The following FAM118B variants were observed in gnomAD, a reference collection of about 807,000 sequenced individuals.
FAM118B encodes SIR2 antiphage like 1.
Under a neutral mutation model 38.5 loss-of-function variants are expected in FAM118B, and 24 were observed. The observed-to-expected ratio is 0.62, with a 90% CI of 0.45 to 0.88. The LOEUF is 0.88. FAM118B is among the 40% of genes least tolerant of loss of function. The probability of loss-of-function intolerance (pLI) is 0.00; values close to 1 mark genes in which losing one functional copy is unlikely to be tolerated. For missense variants in FAM118B, 334 were observed against 420.0 expected (o/e 0.80, Z 1.79); for synonymous variants, 138 against 156.3 (o/e 0.88, Z 0.87).
chr11:126,245,864 C>T (rs933322410), intron 4 of FAM118B, among the ~76,000 whole-genome samples: 27 of 151,910 alleles, frequency 1.8e-4, no homozygotes, highest in African/African-American at 4.6e-4. Context: ...GGCGTGGTGG[C>T]GCATGCCTGT....
At chr11:126,228,208 T>C (rs1261473405) in intron 1 of FAM118B, among the ~76,000 whole-genome samples, 1 of 150,938 alleles carries the variant, frequency 6.6e-6, no homozygotes, top group Non-Finnish European at 1.5e-5. Flanking sequence ...TTTTTTGGTT[T>C]TGTTTTTTGA....
intron 4 of FAM118B, among the ~76,000 whole-genome samples, chr11:126,246,579 C>A (rs530955307): frequency 6.6e-6 from 1 of 152,046 alleles, no homozygotes; most frequent in African/African-American, 2.4e-5. Flanking sequence ...AACCCTGGGG[C>A]GGGAGGCGGT....
intron 1 of FAM118B, among the ~76,000 whole-genome samples, chr11:126,227,530 T>C (rs1305575888): frequency 1.3e-5 from 2 of 152,248 alleles, no homozygotes; most frequent in Non-Finnish European, 2.9e-5. Context: ...GATGAATGAA[T>C]GAAGTGAACT....
intron 7 of FAM118B, among the ~76,000 whole-genome samples, chr11:126,258,406 G>A (rs1458738605): frequency 2.0e-5 from 3 of 152,082 alleles, no homozygotes; most frequent in Non-Finnish European, 2.9e-5. Context: ...TAACATACAG[G>A]TAATTTAATA....
intron 7 of FAM118B, chr11:126,260,999 G>C (rs1950682723): frequency 1.2e-5 from 2 of 160,226 alleles, no homozygotes; most frequent in Admixed American, 6.1e-5. Flanking sequence ...TAGTGCTACC[G>C]TATTTTATTT....
chr11:126,260,784 A>G (rs1372407341), intron 7 of FAM118B: 1 of 152,144 alleles, frequency 6.6e-6, no homozygotes, highest in Non-Finnish European at 1.5e-5. Context: ...ATTTTCTTCC[A>G]TGTGTTCAGC....
intron 2 of FAM118B, among the ~76,000 whole-genome samples, chr11:126,232,043 G>C (rs1222193203): frequency 6.6e-6 from 1 of 152,094 alleles, no homozygotes; most frequent in Admixed American, 6.6e-5. Context: ...GATAGTTTTG[G>C]ACTTTAAGTT....
chr11:126,242,697 ACCC>A (rs1388415705), intron 4 of FAM118B, among the ~76,000 whole-genome samples: 1 of 152,220 alleles, frequency 6.6e-6, no homozygotes, highest in African/African-American at 2.4e-5. Context: ...GCCATTTCAC[ACCC>A]GCTGGCATGA....
chr11:126,254,427 A>G lies in FAM118B; in HGVS notation c.690A>G (p.Glu230=), dbSNP rs765100134. The change falls in exon 6 of 9, where the codon GAA becomes GAG. Residue 230 remains glutamate (E), a synonymous_variant. Transcript: ENST00000533050. ...ATCAGAACGTGCTCAGGAACACTGA[A>G]GTCATGGTGAGTGGGGCTGATCTTG... is the stretch of plus-strand genomic sequence containing the variant. ...AGYQNVLRNT[E]VMREIQKLYE... is the part of the protein sequence containing the mutation. The G allele has an allele frequency of 1.9e-6, 3 of 1,614,138 alleles. No homozygotes were observed. In the South Asian group the frequency reaches 3.3e-5, roughly 18 times the overall value.
intron 2 of FAM118B, among the ~76,000 whole-genome samples, chr11:126,232,713 AT>A (rs974743144): frequency 2.9e-4 from 44 of 151,122 alleles, no homozygotes; most frequent in East Asian, 9.7e-4. Flanking sequence ...CTTAAAAAAT[AT>A]TTTTTTTTAA....
At position 126,261,478 on chromosome 11, in the gene FAM118B, A is replaced by G. The variant is rs114192726; in HGVS notation, c.1036A>G (p.Ile346Val). The G allele has an allele frequency of 9.5e-5, 153 of 1,612,192 alleles. 1 individual carries two copies. In the African/African-American group the frequency reaches 1.8e-3, roughly 19 times the overall value. Residue 346 changes from isoleucine to valine, a missense_variant, in exon 8 of 9, where the codon ATA becomes GTA. Physicochemically the swap from Ile to Val is conservative, Grantham distance 29. Around this residue, in one of 3 missense-constraint regions of FAM118B, gnomAD observed 88 missense variants for 98.1 expected, o/e 0.90. Coordinates refer to ENST00000533050, the MANE Select transcript of FAM118B (RefSeq NM_024556.4). ...LNGSSAAHSE[I>V]RGCST ...TGGCTCATCTGCAGCACACAGTGAAATAAGAGGTATACTGTTTCCTATTCT... is the reference window on the plus strand; with the variant it reads ...TGGCTCATCTGCAGCACACAGTGAAGTAAGAGGTATACTGTTTCCTATTCT...
chr11:126,262,282 G>C lies in FAM118B; in HGVS notation c.*149G>C. On this transcript the variant is annotated 3_prime_UTR_variant, in exon 9 of 9. Coordinates refer to ENST00000533050, the MANE Select transcript of FAM118B (RefSeq NM_024556.4). ...AGGGCGGGGTAGAAGAGGGGGGAAT[G>C]TTGCAGCGTAATCCTTCATACCACC... 1.3e-6 allele frequency: 1 copy of C among 766,304 alleles called. No homozygotes were observed. The highest frequency in any genetic ancestry group is 1.6e-5 in the South Asian group (1 of 64,074). The allele number at this position is 766,304 out of a possible 1,614,324, so 47.5% of individuals were successfully genotyped here.
At chr11:126,259,942 G>A (rs975346188) in intron 7 of FAM118B, among the ~76,000 whole-genome samples, 5 of 150,980 alleles carry the variant, frequency 3.3e-5, no homozygotes, top group African/African-American at 7.3e-5. Context: ...GGATGGTCTC[G>A]ATCTCCTGAC....
At chr11:126,247,258 C>T (rs962514785) in intron 4 of FAM118B, among the ~76,000 whole-genome samples, 51 of 152,292 alleles carry the variant, frequency 3.3e-4, no homozygotes, top group African/African-American at 1.2e-3. Flanking sequence ...TGCCACTGTA[C>T]TCCAGCTTGG....
In FAM118B at chr11:126,244,211, C is replaced by G. The variant is rs1284208423; in HGVS notation, c.339+3167C>G. Among the ~76,000 whole-genome samples the G allele has an allele frequency of 6.6e-6, 1 of 152,182 alleles. No individual in the cohort carries two copies. The highest frequency in any genetic ancestry group is 6.5e-5 in the Admixed American group (1 of 15,276). ...ACAAGGCTGTTTTCCCACTCCACTC[C>G]TGTCCAACATGGTGCTGGATGTTCT... On this transcript the variant is annotated intron_variant, in intron 4 of 8. Coordinates refer to ENST00000533050, the MANE Select transcript of FAM118B (RefSeq NM_024556.4). This position sits in a 1 kb window ranked among gnomAD's most constrained non-coding sequence, Gnocchi z 4.5.
rs1950575737 is a variant in FAM118B, at chr11:126,256,173, T to C, written c.697-394T>C. The stretch of plus-strand genomic sequence containing the variant: ...GTAATATACTCGGGAGGCTGAGGCA[T>C]GAGAGTCACTTGAACCAGGGTGGTG... On this transcript the variant is annotated intron_variant, in intron 6 of 8. Coordinates refer to ENST00000533050, the MANE Select transcript of FAM118B (RefSeq NM_024556.4). The surrounding 1 kb of genome is among the most constrained non-coding windows in gnomAD (Gnocchi z 6.6). Among the ~76,000 whole-genome samples, 1 of 152,052 alleles carries C rather than the reference T, an allele frequency of 6.6e-6. No homozygotes were observed. Among genetic ancestry groups the C allele is most frequent in the Non-Finnish European group, 1.5e-5 (1 of 68,000 alleles).
Position 126,244,528 on chromosome 11 carries a change from G to A in FAM118B, c.339+3484G>A, listed in dbSNP as rs1435773304. Among the ~76,000 whole-genome samples, 1 of 152,250 alleles carries A rather than the reference G, an allele frequency of 6.6e-6. No homozygotes were observed. Among genetic ancestry groups the A allele is most frequent in the East Asian group, 1.9e-4 (1 of 5,200 alleles). ...TAACGAAAGAAGTACAGAAGGCTAG[G>A]CGTGGTGGCCCATGCCTGTTGTCTC... On this transcript the variant is annotated intron_variant, in intron 4 of 8. Transcript: ENST00000533050. The surrounding 1 kb of genome is among the most constrained non-coding windows in gnomAD (Gnocchi z 4.5).
At position 126,244,986 on chromosome 11, in the gene FAM118B, A is replaced by C. The variant is rs1189387454; in HGVS notation, c.339+3942A>C. 6.6e-6 allele frequency: 1 copy of C among 152,256 alleles called. No homozygotes were observed. Among genetic ancestry groups the C allele is most frequent in the African/African-American group, 2.4e-5 (1 of 41,458 alleles). The allele number at this position is 152,256 out of a possible 1,614,324, so 9.4% of individuals were successfully genotyped here. ...TTAAGCATGGTCCCTATTAGGATCC[A>C]GCTGCTGATTTTGTAGAAATTGACA... On this transcript the variant is annotated intron_variant, in intron 4 of 8. Transcript: ENST00000533050. This position sits in a 1 kb window ranked among gnomAD's most constrained non-coding sequence, Gnocchi z 4.5.
rs533208418 is a variant in FAM118B at position 126,214,986 on chromosome 11, A to G, written c.-77+3156A>G. 4.6e-4 allele frequency among the ~76,000 whole-genome samples: 70 copies of G among 152,288 alleles called. No individual in the cohort carries two copies. The Middle Eastern group carries it at 0.014, about 30-fold the overall frequency. ...TAGTTGCAGATTAACCAGCGATTCCATTTCCTTGAAGAGCAGGAAGTACTT... is the reference window on the plus strand; with the variant it reads ...TAGTTGCAGATTAACCAGCGATTCCGTTTCCTTGAAGAGCAGGAAGTACTT... On this transcript the variant is annotated intron_variant, in intron 1 of 8. Transcript: ENST00000533050.
Sources: allele counts gnomAD v4.1 joint callset (sites outside exome capture counted in the v4.1 genomes callset), GRCh38; gene constraint gnomAD v4.1.1; regional missense constraint gnomAD v4.1.1; non-coding constraint Gnocchi (gnomAD v3.1); transcripts MANE v1.5; gene names NCBI Gene and HGNC (gene_info 2026-07-23, HGNC 2026-07-21).